The following ME3 variants were observed in gnomAD, a reference collection of about 807,000 sequenced individuals.
The protein encoded by ME3 is NADP-dependent malic enzyme, mitochondrial.
Under a neutral mutation model 68.9 loss-of-function variants are expected in ME3, and 48 were observed. That is an observed-to-expected ratio of 0.70 (90% CI 0.55 to 0.89). The LOEUF (loss-of-function observed/expected upper bound fraction) is 0.89, where lower values mean the gene tolerates loss of function less well. Ranked by LOEUF, ME3 falls within the 40% of genes least tolerant of loss-of-function variation. ME3 has a pLI of 0.00. For synonymous variants in ME3, 320 were observed against 318.8 expected, an observed-to-expected ratio of 1.00 and a Z score of -0.04; for missense variants, 675 against 797.4, an observed-to-expected ratio of 0.85 and a Z score of 1.85.
intron 7 of ME3, among the ~76,000 whole-genome samples, chr11:86,473,828 G>A (rs1389844491): frequency 1.3e-5 from 2 of 152,216 alleles, no homozygotes; most frequent in African/African-American, 2.4e-5. Flanking sequence ...TACGGAGCCT[G>A]AGAAGGGCAA....
intron 4 of ME3, among the ~76,000 whole-genome samples, chr11:86,550,400 AG>A (rs1448725555): frequency 2.0e-5 from 3 of 152,168 alleles, no homozygotes; most frequent in Non-Finnish European, 4.4e-5. Flanking sequence ...GTAGCCAGAA[AG>A]GGGATGATTG....
chr11:86,525,035 G>A (rs556584594), intron 4 of ME3, among the ~76,000 whole-genome samples: 1 of 152,160 alleles, frequency 6.6e-6, no homozygotes, highest in South Asian at 2.1e-4. Context: ...CTCTGGTCAG[G>A]GATAAGTTCC....
chr11:86,650,379 A>C (rs957234031), intron 2 of ME3, among the ~76,000 whole-genome samples: 1 of 152,240 alleles, frequency 6.6e-6, no homozygotes, highest in African/African-American at 2.4e-5. Flanking sequence ...AGGCAATACC[A>C]TTCAGTACAT....
chr11:86,559,650 C>A, intron 3 of ME3, 40 bp downstream of exon 3: 1 of 1,583,594 alleles, frequency 6.3e-7, no homozygotes, highest in Non-Finnish European at 8.6e-7. Flanking sequence ...GACAGCTCAG[C>A]CCAAGGACCA....
chr11:86,502,782 G>A, intron 5 of ME3, among the ~76,000 whole-genome samples: 1 of 152,144 alleles, frequency 6.6e-6, no homozygotes, highest in African/African-American at 2.4e-5. Flanking sequence ...GTTTGGGGGA[G>A]GCTGTGCCAT....
chr11:86,644,752 T>C (rs1254574817), intron 2 of ME3, among the ~76,000 whole-genome samples: 1 of 152,182 alleles, frequency 6.6e-6, no homozygotes, highest in African/African-American at 2.4e-5. Context: ...CCAATAACCA[T>C]TGTTAGGATT....
intron 2 of ME3, among the ~76,000 whole-genome samples, chr11:86,573,945 G>A (rs775411109): frequency 3.9e-4 from 59 of 152,316 alleles, no homozygotes; most frequent in Non-Finnish European, 7.6e-4. Flanking sequence ...ATTGATTTAT[G>A]TATGTTGAAC....
At chr11:86,606,118 A>C (rs1417337797) in intron 2 of ME3, among the ~76,000 whole-genome samples, 2 of 152,200 alleles carry the variant, frequency 1.3e-5, no homozygotes, top group Admixed American at 6.5e-5. Flanking sequence ...TTACTTGAGA[A>C]TAACAACAAT....
chr11:86,631,215 G>C (rs1943992983), intron 2 of ME3, among the ~76,000 whole-genome samples: 1 of 152,220 alleles, frequency 6.6e-6, no homozygotes, highest in African/African-American at 2.4e-5. Context: ...TACAGCCAGT[G>C]AGTTCCAAAA....
At chr11:86,672,017 C>T (rs1398562865) in intron 1 of ME3, 59 bp from the exon 2 acceptor site, 4 of 1,284,682 alleles carry the variant, frequency 3.1e-6, no homozygotes, top group Non-Finnish European at 4.0e-6. Flanking sequence ...GACCCACGCG[C>T]GCTGCGGGGC....
rs201856407 is a variant in ME3 at position 86,557,718 on chromosome 11, GGAAGAGCAA to G, written c.318-1025_318-1017del. On this transcript the variant is annotated intron_variant, in intron 3 of 14. Transcript: ENST00000543262. ...TTTAGCAAGAGAGGACTGATACTCA[GGAAGAGCAA>G]GGATCTCAGCCCATTGCCAGTGTGG... Among the ~76,000 whole-genome samples the G allele has an allele frequency of 3.2e-4, 48 of 152,286 alleles. No homozygotes were observed. The East Asian group carries it at 8.7e-3, about 28-fold the overall frequency.
chr11:86,653,331 C>A (rs1442683655), intron 2 of ME3, among the ~76,000 whole-genome samples: 1 of 152,164 alleles, frequency 6.6e-6, no homozygotes, highest in African/African-American at 2.4e-5. Flanking sequence ...CCAAAATTGA[C>A]CACATAGTTG....
chr11:86,522,608 CAT>C (rs1317183335), intron 4 of ME3, among the ~76,000 whole-genome samples: 2 of 152,144 alleles, frequency 1.3e-5, no homozygotes, highest in East Asian at 1.9e-4. Context: ...TCAACTCCCA[CAT>C]GTGAGCGAGA....
At chr11:86,442,845 G>A (rs368531898) in exon 14 of ME3, 97 of 1,612,808 alleles carry the variant, frequency 6.0e-5, no homozygotes, top group Middle Eastern at 1.6e-4. Context: ...TCAAAGACAC[G>A]TCTCGGATGG....
chr11:86,496,410 GAA>G, intron 6 of ME3, among the ~76,000 whole-genome samples: 1 of 1,508 alleles, frequency 6.6e-4, no homozygotes, highest in African/African-American at 1.8e-3. Flanking sequence ...TGTCTCAAAA[GAA>G]AAGAAAAGAA....
chr11:86,536,523 A>G (rs1398289124), intron 4 of ME3, among the ~76,000 whole-genome samples: 3 of 133,790 alleles, frequency 2.2e-5, no homozygotes, highest in Admixed American at 1.5e-4. Flanking sequence ...CAGCCAAAAA[A>G]CACATGAAAA....
At chr11:86,605,653 C>T (rs1344600421) in intron 2 of ME3, among the ~76,000 whole-genome samples, 3 of 152,084 alleles carry the variant, frequency 2.0e-5, no homozygotes, top group African/African-American at 7.2e-5. Flanking sequence ...TTAAAATAGT[C>T]ATTAATCATT....
chr11:86,467,715 C>G (rs75907538), intron 7 of ME3, among the ~76,000 whole-genome samples: 32 of 151,196 alleles, frequency 2.1e-4, no homozygotes, highest in African/African-American at 5.1e-4. Context: ...ACACACACCC[C>G]TTTAAGCAAC....
At chr11:86,435,917 T>C in the ME3 span, 1 of 152,212 alleles carries the variant, frequency 6.6e-6, no homozygotes, top group East Asian at 1.9e-4. Flanking sequence ...TAATCTTGGG[T>C]GAAGCATTCA....
Sources: allele counts gnomAD v4.1 joint callset (sites outside exome capture counted in the v4.1 genomes callset), GRCh38; gene constraint gnomAD v4.1.1; transcripts MANE v1.5; gene names NCBI Gene and HGNC (gene_info 2026-07-23, HGNC 2026-07-21).